The following ITGB1BP1 variants were observed in gnomAD, a reference collection of about 807,000 sequenced individuals.
The protein encoded by ITGB1BP1 is integrin subunit beta 1 binding protein 1.
A neutral mutation model predicts 28.0 loss-of-function variants in ITGB1BP1; 20 were observed. The ratio of observed to expected loss-of-function variants is 0.71; its 90% CI spans 0.50 to 1.04. The LOEUF (loss-of-function observed/expected upper bound fraction) is 1.04. Among genes scored for constraint, ITGB1BP1 ranks in the 50% least tolerant of loss-of-function variants. The pLI is 0.00. For missense variants in ITGB1BP1, 228 were observed against 242.5 expected, an observed-to-expected ratio of 0.94 and a Z score of 0.40; for synonymous variants, 103 against 89.5, an observed-to-expected ratio of 1.15 and a Z score of -0.85.
chr2:9,414,324 C>A, intron 2 of ITGB1BP1, 68 bp from the exon 3 acceptor site: 1 of 1,144,190 alleles, frequency 8.7e-7, no homozygotes, highest in Non-Finnish European at 1.3e-6. Flanking sequence ...AGTCCTCTAA[C>A]CCATTCACAT....
upstream of ITGB1BP1, chr2:9,423,559 G>C (rs901937062): frequency 6.2e-6 from 7 of 1,133,280 alleles, no homozygotes; most frequent in African/African-American, 4.8e-5. Flanking sequence ...TCCTACCCCC[G>C]GTTCCAAGAC....
Position 9,412,380 on chromosome 2 carries a change from G to C in ITGB1BP1, c.177C>G (p.Thr59=). 6.2e-7 allele frequency: 1 copy of C among 1,607,844 alleles called. No individual in the cohort carries two copies. The highest frequency in any genetic ancestry group is 8.5e-7 in the Non-Finnish European group (1 of 1,178,322). ...CATATTTTATTCGAAATTCTGCACA[G>C]GTATCTGAATTATTGTTGCTTTGTC... is the stretch of plus-strand genomic sequence containing the variant. ...SSGQSNNNSD[T]CAEFRIKYVG... is the part of the protein sequence containing the mutation. Residue 59 remains threonine, a synonymous_variant, in exon 4 of 7, where the codon ACC becomes ACG. Coordinates refer to ENST00000355346, the MANE Select transcript of ITGB1BP1 (RefSeq NM_004763.5).
At chr2:9,411,881 G>A (rs1280517645) in intron 4 of ITGB1BP1, among the ~76,000 whole-genome samples, 1 of 151,152 alleles carries the variant, frequency 6.6e-6, no homozygotes, top group Non-Finnish European at 1.5e-5. Flanking sequence ...TGTCTCTACT[G>A]AAAATACAAA....
rs1676932236 is a variant in ITGB1BP1, at chr2:9,403,533, A to G, written c.*3301T>C. The G allele has an allele frequency of 1.9e-6, 1 of 528,176 alleles. No homozygotes were observed. The highest frequency in any genetic ancestry group is 1.9e-5 in the African/African-American group (1 of 51,678). The allele number at this position is 528,176 out of a possible 1,614,324, so 32.7% of individuals were successfully genotyped here. On this transcript the variant is annotated 3_prime_UTR_variant, in exon 7 of 7. Transcript: ENST00000355346. ...TGGTTTTCATGAAACATTGCTATGC[A>G]TTTATTAGGAAAAACTGAATTTCCC... is the stretch of plus-strand genomic sequence containing the variant.
chr2:9,407,079 C>T (rs755234586), intron 6 of ITGB1BP1, 174 bp from the exon 7 acceptor site: 14 of 621,584 alleles, frequency 2.3e-5, no homozygotes, highest in Non-Finnish European at 4.0e-5. Context: ...CACGTGGGCC[C>T]TTTCTGCCCT....
rs796232675 is a variant in ITGB1BP1, at chr2:9,406,563, T to C, written c.*271A>G. ...TCACTGAGTGGACCTCTGTGACACCTAGGCTTCTGTGACACTTAGGTTAAG... is the reference window on the plus strand; with the variant it reads ...TCACTGAGTGGACCTCTGTGACACCCAGGCTTCTGTGACACTTAGGTTAAG... On this transcript the variant is annotated 3_prime_UTR_variant, in exon 7 of 7. Transcript: ENST00000355346. The C allele has an allele frequency of 7.3e-6, 3 of 410,902 alleles. No homozygotes were observed. The highest frequency in any genetic ancestry group is 1.3e-5 in the Non-Finnish European group (3 of 229,422). 25.5% of individuals were successfully genotyped at this position (410,902 alleles called of 1,614,324 possible).
intron 1 of ITGB1BP1, among the ~76,000 whole-genome samples, chr2:9,420,621 G>T (rs556755102): frequency 1.3e-5 from 2 of 152,216 alleles, no homozygotes; most frequent in African/African-American, 2.4e-5. Flanking sequence ...AGGCAATGCC[G>T]TGCGGGTGGA....
In ITGB1BP1 at chr2:9,418,659, A is replaced by G; in HGVS notation, c.39T>C (p.Ser13=). The change falls in exon 2 of 7, where the codon AGT becomes AGC. Residue 13 remains serine, a synonymous_variant. Coordinates refer to ENST00000355346, the MANE Select transcript of ITGB1BP1 (RefSeq NM_004763.5). ...TAGTACTGATTTCGCTACTTTGGGA[A>G]CTGCTACTACTGTGTCGTTTTTTGC... The part of the protein sequence containing the change: ...RKGKKRHSSS[S]SQSSEISTKS... The G allele has an allele frequency of 6.2e-7, 1 of 1,613,884 alleles. No individual in the cohort carries two copies. The highest frequency in any genetic ancestry group is 8.5e-7 in the Non-Finnish European group (1 of 1,179,744).
chr2:9,404,729 T>TAC lies in ITGB1BP1; in HGVS notation c.*2104_*2105insGT, dbSNP rs1382095276. 1 of 144,730 alleles carries TAC rather than the reference T, an allele frequency of 6.9e-6. No homozygotes were observed. The highest frequency in any genetic ancestry group is 1.5e-5 in the Non-Finnish European group (1 of 67,486). 9.0% of individuals were successfully genotyped at this position (144,730 alleles called of 1,614,324 possible). A position where few individuals can be genotyped will look rare whatever the true frequency, so the allele number is the denominator to read the frequency against. Reference sequence around the variant, plus strand: ...GCAGCTTGTCTTTATTATGCAAGACTGTGTAGAGTTTTTTTTTTTTTTGGC... The same window carrying TAC: ...GCAGCTTGTCTTTATTATGCAAGACTACGTGTAGAGTTTTTTTTTTTTTTGGC... On this transcript the variant is annotated 3_prime_UTR_variant, in exon 7 of 7. Transcript: ENST00000355346.
rs547886919 is a variant in ITGB1BP1, at chr2:9,408,032, C to G, written c.381+81G>C. 3.9e-6 allele frequency: 3 copies of G among 771,316 alleles called. No individual in the cohort carries two copies. In the South Asian group the frequency reaches 4.8e-5, roughly 12 times the overall value. 47.8% of individuals were successfully genotyped at this position (771,316 alleles called of 1,614,324 possible). ...CCAATCACTCTGCAAACAGGAGTGG[C>G]CCTAATTATAAGGGGGCTCTTAATG... On this transcript the variant is annotated intron_variant, in intron 5 of 6. Transcript: ENST00000355346.
At chr2:9,409,549 G>T (rs16867024) in intron 4 of ITGB1BP1, among the ~76,000 whole-genome samples, 1 of 152,114 alleles carries the variant, frequency 6.6e-6, no homozygotes, top group Non-Finnish European at 1.5e-5. Context: ...CACTTAGACT[G>T]GTTGTAGCTT....
intron 4 of ITGB1BP1, among the ~76,000 whole-genome samples, chr2:9,408,715 G>A (rs1301762200): frequency 1.3e-5 from 2 of 152,134 alleles, no homozygotes. Flanking sequence ...TTGGCCTCAG[G>A]TAACTCTCCC....
rs756485714 is a variant in ITGB1BP1, at chr2:9,403,615, A to G, written c.*3219T>C. On this transcript the variant is annotated 3_prime_UTR_variant, in exon 7 of 7. Coordinates refer to ENST00000355346, the MANE Select transcript of ITGB1BP1 (RefSeq NM_004763.5). ...TATACATAATCAAGATCCTGCCTCTACGGAATTAGCTAAACCTAAAAATGT... is the reference window on the plus strand; with the variant it reads ...TATACATAATCAAGATCCTGCCTCTGCGGAATTAGCTAAACCTAAAAATGT... 2.3e-5 allele frequency: 8 copies of G among 348,976 alleles called. No homozygotes were observed. Among genetic ancestry groups the G allele is most frequent in the Admixed American group, 4.5e-5 (1 of 22,214 alleles). 21.6% of individuals were successfully genotyped at this position (348,976 alleles called of 1,614,324 possible).
intron 4 of ITGB1BP1, among the ~76,000 whole-genome samples, chr2:9,410,370 T>TC (rs202038563): frequency 0.013 from 2,030 of 152,266 alleles, 180 homozygotes; most frequent in Admixed American, 0.12. Flanking sequence ...TATCTGGGAC[T>TC]ACCAGTGCAT....
intron 2 of ITGB1BP1, among the ~76,000 whole-genome samples, chr2:9,416,950 T>A (rs1306356730): frequency 6.6e-6 from 1 of 152,062 alleles, no homozygotes; most frequent in African/African-American, 2.4e-5. Flanking sequence ...CATCGATCCA[T>A]GGGTCCCATG....
rs1439380485 is a variant in ITGB1BP1, at chr2:9,404,449, T to C, written c.*2385A>G. 6.6e-6 allele frequency: 1 copy of C among 152,216 alleles called. No individual in the cohort carries two copies. The highest frequency in any genetic ancestry group is 1.5e-5 in the Non-Finnish European group (1 of 68,044). 9.4% of individuals were successfully genotyped at this position (152,216 alleles called of 1,614,324 possible). ...ATTCTTAAGCTACTTGGGGTGGTAG[T>C]AGAGGATTAGGTTGTCTATTATAAA... On this transcript the variant is annotated 3_prime_UTR_variant, in exon 7 of 7. Transcript: ENST00000355346.
Position 9,403,526 on chromosome 2 carries a change from G to T in ITGB1BP1, c.*3308C>A. On this transcript the variant is annotated 3_prime_UTR_variant, in exon 7 of 7. Coordinates refer to ENST00000355346, the MANE Select transcript of ITGB1BP1 (RefSeq NM_004763.5). ...TAATTTGTGGTTTTCATGAAACATT[G>T]CTATGCATTTATTAGGAAAAACTGA... 1 of 538,428 alleles carries T rather than the reference G, an allele frequency of 1.9e-6. No homozygotes were observed. The highest frequency in any genetic ancestry group is 2.8e-5 in the South Asian group (1 of 36,234). The allele number at this position is 538,428 out of a possible 1,614,324, so 33.4% of individuals were successfully genotyped here.
chr2:9,409,939 G>C (rs978473819), intron 4 of ITGB1BP1, among the ~76,000 whole-genome samples: 6 of 151,050 alleles, frequency 4.0e-5, no homozygotes, highest in Admixed American at 2.6e-4. Flanking sequence ...CCACCTCCTG[G>C]GTTCAAGCGA....
chr2:9,407,272 T>G (rs1030221944), intron 6 of ITGB1BP1, 177 bp downstream of exon 6: 5 of 679,170 alleles, frequency 7.4e-6, no homozygotes, highest in Non-Finnish European at 7.4e-6. Context: ...TAACAAATAT[T>G]TCACAAACCT....
Sources: gnomAD v4.1 joint callset for allele counts (sites outside exome capture counted in the v4.1 genomes callset) on GRCh38, gnomAD v4.1.1 for gene constraint, MANE v1.5 for transcripts, NCBI Gene and HGNC (gene_info 2026-07-23, HGNC 2026-07-21) for gene names.